The following DNAH6 variants were observed in gnomAD, a reference collection of about 807,000 sequenced individuals.
DNAH6 encodes the protein axonemal beta dynein heavy chain 6.
Under a neutral mutation model 491.4 loss-of-function variants are expected in DNAH6, and 340 were observed. The observed-to-expected ratio is 0.69, with a 90% confidence interval of 0.63 to 0.76. The LOEUF (loss-of-function observed/expected upper bound fraction) is 0.76. Ranked by LOEUF, DNAH6 falls within the 30% of genes least tolerant of loss-of-function variation. The pLI is 0.00. For missense variants in DNAH6, 4,443 were observed against 4,972.2 expected (o/e 0.89, Z 3.20); for synonymous variants, 1,603 against 1,686.1 (o/e 0.95, Z 1.21).
At chr2:84,617,389 CAATT>C (rs1460001529) in intron 23 of DNAH6, among the ~76,000 whole-genome samples, 4 of 151,820 alleles carry the variant, frequency 2.6e-5, no homozygotes, top group Non-Finnish European at 5.9e-5. Flanking sequence ...TTTAAATGCA[CAATT>C]AAATTATTAC....
rs376502082 is a variant in DNAH6, at chr2:84,667,467, A to C, written c.6085-1822A>C. On this transcript the variant is annotated intron_variant, in intron 37 of 76. Coordinates refer to ENST00000389394, the MANE Select transcript of DNAH6 (RefSeq NM_001370.2). The stretch of plus-strand genomic sequence containing the variant: ...ATGTGAACAGATACTTCTCAAAAGA[A>C]GACATTTATGCAGCCAACAGACACA... 1.2e-4 allele frequency among the ~76,000 whole-genome samples: 18 copies of C among 152,366 alleles called. No homozygotes were observed. In the East Asian group the frequency reaches 2.9e-3, roughly 24 times the overall value.
At chr2:84,727,984 T>G in intron 61 of DNAH6, 82 bp downstream of exon 61, 2 of 871,998 alleles carry the variant, frequency 2.3e-6, no homozygotes, top group Non-Finnish European at 1.8e-6. Flanking sequence ...GTAGCTACCA[T>G]AATTCCCATG....
At chr2:84,780,542 A>C (rs1676585236) in intron 64 of DNAH6, among the ~76,000 whole-genome samples, 1 of 151,992 alleles carries the variant, frequency 6.6e-6, no homozygotes, top group African/African-American at 2.4e-5. Flanking sequence ...GGATCATTTT[A>C]CTGGCTTCTT....
At chr2:84,773,427 G>T (rs1451182907) in intron 64 of DNAH6, among the ~76,000 whole-genome samples, 2 of 152,038 alleles carry the variant, frequency 1.3e-5, no homozygotes, top group African/African-American at 4.8e-5. Flanking sequence ...CATATTCCAT[G>T]GTTTATAGTG....
chr2:84,624,190 G>A, intron 26 of DNAH6, 75 bp from the exon 27 acceptor site: 1 of 1,328,150 alleles, frequency 7.5e-7, no homozygotes, highest in Non-Finnish European at 1.0e-6. Flanking sequence ...TCTCCAAATT[G>A]AATGGTGAAA....
rs192295737 is a variant in DNAH6 at position 84,712,338 on chromosome 2, G to A, written c.9379-757G>A. 3.9e-3 allele frequency among the ~76,000 whole-genome samples: 588 copies of A among 152,316 alleles called. 1 individual carries two copies. Among genetic ancestry groups the A allele is most frequent in the Non-Finnish European group, 6.9e-3 (467 of 68,026 alleles). On this transcript the variant is annotated intron_variant, in intron 56 of 76. Coordinates refer to ENST00000389394, the MANE Select transcript of DNAH6 (RefSeq NM_001370.2). ...CAATGTGGAACAGATTTGTTAAAATGGATGACAGTCAAATTTTGAAAGCCC... is the reference window on the plus strand; with the variant it reads ...CAATGTGGAACAGATTTGTTAAAATAGATGACAGTCAAATTTTGAAAGCCC...
the DNAH6 span, among the ~76,000 whole-genome samples, chr2:84,495,383 G>A: frequency 2.0e-5 from 3 of 152,078 alleles, no homozygotes; most frequent in Non-Finnish European, 4.4e-5. Flanking sequence ...GGCTGGTCTC[G>A]AACTCCTGAC....
chr2:84,796,444 T>C lies in DNAH6; in HGVS notation c.11359+19T>C. On this transcript the variant is annotated intron_variant, in intron 69 of 76. Coordinates refer to ENST00000389394, the MANE Select transcript of DNAH6 (RefSeq NM_001370.2). The stretch of plus-strand genomic sequence containing the variant: ...GAATCAGGTGAATGACTTTTCAATA[T>C]TACAGAAAAGGCCTTTCCCAAGAAG... The C allele has an allele frequency of 6.7e-7, 1 of 1,488,826 alleles. No homozygotes were observed. The highest frequency in any genetic ancestry group is 9.0e-7 in the Non-Finnish European group (1 of 1,114,282). 92.2% of individuals were successfully genotyped at this position (1,488,826 alleles called of 1,614,324 possible).
intron 16 of DNAH6, 130 bp downstream of exon 16, chr2:84,589,084 A>C: frequency 1.3e-6 from 1 of 767,804 alleles, no homozygotes; most frequent in Non-Finnish European, 1.9e-6. Flanking sequence ...GCATGCTACA[A>C]ATAGTCTCAA....
At chr2:84,479,696 AAG>A in the DNAH6 span, among the ~76,000 whole-genome samples, 10 of 152,326 alleles carry the variant, frequency 6.6e-5, no homozygotes, top group South Asian at 2.1e-3. Flanking sequence ...TGCTACTGAA[AAG>A]AGAGAAAGTA....
intron 41 of DNAH6, among the ~76,000 whole-genome samples, chr2:84,679,173 T>G (rs776252154): frequency 3.4e-4 from 51 of 152,172 alleles, no homozygotes; most frequent in African/African-American, 1.2e-3. Context: ...AAATAGTACA[T>G]GTATATTATA....
chr2:84,529,260 TC>T, intron 4 of DNAH6, 94 bp downstream of exon 4: 1 of 999,670 alleles, frequency 1.0e-6, no homozygotes, highest in Admixed American at 3.1e-5. Context: ...AATAACAATA[TC>T]AAATATAATT....
chr2:84,751,451 C>A (rs1188088709), intron 63 of DNAH6, among the ~76,000 whole-genome samples: 2 of 152,142 alleles, frequency 1.3e-5, no homozygotes, highest in African/African-American at 2.4e-5. Context: ...TACACAAAAA[C>A]CAAGCCTTCT....
intron 72 of DNAH6, among the ~76,000 whole-genome samples, chr2:84,809,667 A>C (rs1395057188): frequency 6.6e-6 from 1 of 152,154 alleles, no homozygotes; most frequent in Non-Finnish European, 1.5e-5. Flanking sequence ...AACAGCCCTG[A>C]GGGAGCCCTG....
chr2:84,483,005 G>A, the DNAH6 span, among the ~76,000 whole-genome samples: 2 of 151,070 alleles, frequency 1.3e-5, no homozygotes, highest in African/African-American at 4.9e-5. Context: ...TTCTCACTGA[G>A]GCGGGAAAGC....
the DNAH6 span, among the ~76,000 whole-genome samples, chr2:84,483,007 C>T: frequency 6.0e-4 from 90 of 150,420 alleles, no homozygotes; most frequent in Middle Eastern, 3.5e-3. Flanking sequence ...CTCACTGAGG[C>T]GGGAAAGCAG....
chr2:84,530,552 G>C (rs1249996112), intron 4 of DNAH6, among the ~76,000 whole-genome samples: 1 of 152,128 alleles, frequency 6.6e-6, no homozygotes, highest in Non-Finnish European at 1.5e-5. Flanking sequence ...GAGAACCATG[G>C]AAGGATTTTG....
intron 16 of DNAH6, among the ~76,000 whole-genome samples, chr2:84,590,194 T>C (rs886806816): frequency 2.0e-5 from 3 of 151,996 alleles, no homozygotes; most frequent in Non-Finnish European, 4.4e-5. Flanking sequence ...GAAATACTAC[T>C]TGATAAAAAG....
At chr2:84,767,872 T>G (rs1424243045) in intron 64 of DNAH6, among the ~76,000 whole-genome samples, 4 of 151,730 alleles carry the variant, frequency 2.6e-5, no homozygotes, top group East Asian at 3.9e-4. Flanking sequence ...CAGTGAATTG[T>G]GGGGGGAAAA....
Sources: allele counts gnomAD v4.1 joint callset (sites outside exome capture counted in the v4.1 genomes callset), GRCh38; gene constraint gnomAD v4.1.1; transcripts MANE v1.5; gene names NCBI Gene and HGNC (gene_info 2026-07-23, HGNC 2026-07-21).